The following BMPR1A variants were observed in gnomAD, a reference collection of about 807,000 sequenced individuals.
BMPR1A encodes the protein bone morphogenetic protein receptor type-1A.
In BMPR1A, 7 loss-of-function variants were observed where a neutral mutation model predicts 66.0. The observed-to-expected ratio is 0.11, with a 90% confidence interval of 0.06 to 0.20. The LOEUF is 0.20. Among genes scored for constraint, BMPR1A ranks in the 10% least tolerant of loss-of-function variants. The probability of loss-of-function intolerance (pLI) is 1.00; values close to 1 mark genes in which losing one functional copy is unlikely to be tolerated. For synonymous variants in BMPR1A, 200 were observed against 229.7 expected (o/e 0.87, Z 1.17); for missense variants, 408 against 669.1 (o/e 0.61, Z 4.31).
At chr10:86,864,548 A>T (rs1842756301) in intron 2 of BMPR1A, among the ~76,000 whole-genome samples, 1 of 152,232 alleles carries the variant, frequency 6.6e-6, no homozygotes, top group African/African-American at 2.4e-5. Context: ...CTGCTGAAAA[A>T]GGAGGACTCT....
chr10:86,763,554 A>G (rs1841108905), intron 1 of BMPR1A, among the ~76,000 whole-genome samples: 1 of 152,210 alleles, frequency 6.6e-6, no homozygotes, highest in South Asian at 2.1e-4. Flanking sequence ...TTTGGTCCTA[A>G]TGACATCACT....
intron 2 of BMPR1A, among the ~76,000 whole-genome samples, chr10:86,871,078 C>G (rs1842848967): frequency 6.6e-6 from 1 of 152,178 alleles, no homozygotes; most frequent in Non-Finnish European, 1.5e-5. Flanking sequence ...TTCTCTCCCT[C>G]AAGATCTTTG....
intron 2 of BMPR1A, among the ~76,000 whole-genome samples, chr10:86,872,941 A>G (rs1310725109): frequency 1.3e-5 from 2 of 152,164 alleles, no homozygotes; most frequent in African/African-American, 4.8e-5. Context: ...AAAGATGAGG[A>G]AACTAATTCA....
At chr10:86,802,225 T>A (rs1433829554) in intron 1 of BMPR1A, among the ~76,000 whole-genome samples, 1 of 152,124 alleles carries the variant, frequency 6.6e-6, no homozygotes, top group Non-Finnish European at 1.5e-5. Context: ...CAGATGGTGG[T>A]GAGGGACGCT....
chr10:86,875,114 T>C (rs1842904141), intron 2 of BMPR1A, among the ~76,000 whole-genome samples: 1 of 151,946 alleles, frequency 6.6e-6, no homozygotes, highest in Non-Finnish European at 1.5e-5. Flanking sequence ...GACTCACACC[T>C]GTAATCCTAG....
intron 2 of BMPR1A, among the ~76,000 whole-genome samples, chr10:86,875,257 C>T (rs926781544): frequency 7.9e-5 from 12 of 151,880 alleles, no homozygotes; most frequent in African/African-American, 2.9e-4. Context: ...CCTGTAATCC[C>T]AGCTACTCAG....
chr10:86,876,013 T>C lies in BMPR1A; in HGVS notation c.-6T>C, dbSNP rs1047677696. On this transcript the variant is annotated 5_prime_UTR_variant, in exon 3 of 13. Transcript: ENST00000372037. ...GACAGTACACAGGAAACATTACAATTGAACAATGCCTCAGCTATACATTTA... is the reference window on the plus strand; with the variant it reads ...GACAGTACACAGGAAACATTACAATCGAACAATGCCTCAGCTATACATTTA... The C allele has an allele frequency of 6.2e-7, 1 of 1,602,956 alleles. No individual in the cohort carries two copies. Among genetic ancestry groups the C allele is most frequent in the Admixed American group, 1.7e-5 (1 of 59,982 alleles).
intron 7 of BMPR1A, among the ~76,000 whole-genome samples, chr10:86,906,805 A>G (rs1011965504): frequency 1.3e-5 from 2 of 150,166 alleles, no homozygotes; most frequent in South Asian, 2.1e-4. Flanking sequence ...TGAGACTCCA[A>G]TTATACATAT....
chr10:86,785,790 T>G (rs1402460014), intron 1 of BMPR1A, among the ~76,000 whole-genome samples: 1 of 152,202 alleles, frequency 6.6e-6, no homozygotes, highest in Non-Finnish European at 1.5e-5. Context: ...CTTGTTATAT[T>G]TGGGTGCTCT....
rs111255462 is a variant in BMPR1A at position 86,883,871 on chromosome 10, C to CT, written c.68-6175dup. 2.9e-3 allele frequency among the ~76,000 whole-genome samples: 386 copies of CT among 135,260 alleles called. 3 individuals carry two copies. The highest frequency in any genetic ancestry group is 9.5e-3 in the African/African-American group (354 of 37,354). The allele number at this position is 135,260 out of a possible 152,430, so 88.7% of individuals were successfully genotyped here. A position where few individuals can be genotyped will look rare whatever the true frequency, so the allele number is the denominator to read the frequency against. On this transcript the variant is annotated intron_variant, in intron 3 of 12. Coordinates refer to ENST00000372037, the MANE Select transcript of BMPR1A (RefSeq NM_004329.3). ...GTGTAAACTTTGTTTGAGCGTATGA[C>CT]TTTTTTTTTTTTTTTTCTATTTGAG...
chr10:86,898,555 A>T (rs1219714433), intron 5 of BMPR1A, among the ~76,000 whole-genome samples: 1 of 152,192 alleles, frequency 6.6e-6, no homozygotes, highest in East Asian at 1.9e-4. Flanking sequence ...AGCATCCTTC[A>T]TAGAGAAGAA....
In BMPR1A at chr10:86,847,933, T is replaced by TA. The variant is rs370698862; in HGVS notation, c.-153+8955dup. On this transcript the variant is annotated intron_variant, in intron 2 of 12. Coordinates refer to ENST00000372037, the MANE Select transcript of BMPR1A (RefSeq NM_004329.3). ...GTATTAATATCTTTATAGAAAATGA[T>TA]ACTTTTTTTTTTTTTTGAGATAGAG... Among the ~76,000 whole-genome samples, 724 of 151,460 alleles carry TA rather than the reference T, an allele frequency of 4.8e-3. 5 individuals carry two copies. Among genetic ancestry groups the TA allele is most frequent in the African/African-American group, 0.017 (691 of 41,344 alleles).
In BMPR1A at chr10:86,914,349, A is replaced by T. The variant is rs182381772; in HGVS notation, c.675+1965A>T. Among the ~76,000 whole-genome samples the T allele has an allele frequency of 3.2e-3, 487 of 152,300 alleles. 2 individuals are homozygous for T. Among genetic ancestry groups the T allele is most frequent in the African/African-American group, 0.011 (461 of 41,570 alleles). On this transcript the variant is annotated intron_variant, in intron 8 of 12. Coordinates refer to ENST00000372037, the MANE Select transcript of BMPR1A (RefSeq NM_004329.3). ...AAAAAATTATTCTGACCTTGGGCAG[A>T]CTTCTTCAGTACATAAAAAACACAA...
At chr10:86,776,124 G>A (rs530850298) in intron 1 of BMPR1A, among the ~76,000 whole-genome samples, 3 of 152,246 alleles carry the variant, frequency 2.0e-5, no homozygotes, top group South Asian at 2.1e-4. Flanking sequence ...GGTAAAATAC[G>A]TAAGACTTGT....
intron 7 of BMPR1A, among the ~76,000 whole-genome samples, chr10:86,904,784 C>G (rs1843361363): frequency 6.6e-6 from 1 of 152,200 alleles, no homozygotes; most frequent in Admixed American, 6.5e-5. Flanking sequence ...TATAACACTT[C>G]ACAGAACATA....
At chr10:86,855,511 T>C (rs182730363) in intron 2 of BMPR1A, 2 of 461,884 alleles carry the variant, frequency 4.3e-6, no homozygotes, top group Non-Finnish European at 3.9e-6. Flanking sequence ...CAGGAAATAG[T>C]ACTATTTTTT....
chr10:86,828,414 CG>C (rs1313400789), intron 1 of BMPR1A, among the ~76,000 whole-genome samples: 1 of 152,110 alleles, frequency 6.6e-6, no homozygotes, highest in Non-Finnish European at 1.5e-5. Context: ...AAAGGAAAGA[CG>C]GGTGCAAGCT....
At chr10:86,907,299 C>T (rs531349557) in intron 7 of BMPR1A, among the ~76,000 whole-genome samples, 11 of 152,266 alleles carry the variant, frequency 7.2e-5, no homozygotes, top group African/African-American at 2.6e-4. Context: ...ATCAACCTCA[C>T]CCCAATTAAA....
intron 1 of BMPR1A, among the ~76,000 whole-genome samples, chr10:86,786,025 A>G (rs1259047415): frequency 1.3e-5 from 2 of 152,118 alleles, no homozygotes; most frequent in Admixed American, 6.6e-5. Flanking sequence ...TTTGCTTTTC[A>G]TTTTGTTGAG....
Sources: allele counts gnomAD v4.1 joint callset (sites outside exome capture counted in the v4.1 genomes callset), GRCh38; gene constraint gnomAD v4.1.1; transcripts MANE v1.5; gene names NCBI Gene and HGNC (gene_info 2026-07-23, HGNC 2026-07-21).